The following RAB23 variants were observed in gnomAD, a reference collection of about 807,000 sequenced individuals.
RAB23 encodes the protein ras-related protein Rab-23.
In RAB23, 15 loss-of-function variants were observed where a neutral mutation model predicts 30.0. That is an observed-to-expected ratio of 0.50 (90% CI 0.33 to 0.77). The LOEUF is 0.77. RAB23 is among the 30% of genes least tolerant of loss of function. The pLI, the probability that RAB23 is intolerant of heterozygous loss-of-function variation, is 0.02. For missense variants in RAB23, 243 were observed against 275.4 expected (o/e 0.88, Z 0.83); for synonymous variants, 93 against 94.0 (o/e 0.99, Z 0.06).
At chr6:57,206,880 C>T (rs992567129) in intron 3 of RAB23, among the ~76,000 whole-genome samples, 1 of 152,140 alleles carries the variant, frequency 6.6e-6, no homozygotes. Context: ...ACAGCATCTG[C>T]GAAATGCAGA....
chr6:57,191,536 G>A (rs540306287), intron 6 of RAB23, among the ~76,000 whole-genome samples: 2 of 151,496 alleles, frequency 1.3e-5, no homozygotes, highest in South Asian at 2.1e-4. Context: ...CGCAACTTCC[G>A]CCTCTTGGAG....
At chr6:57,210,050 A>C (rs895764534) in intron 2 of RAB23, among the ~76,000 whole-genome samples, 176 bp downstream of exon 2, 2 of 147,410 alleles carry the variant, frequency 1.4e-5, no homozygotes, top group Non-Finnish European at 1.5e-5. Flanking sequence ...AAGAGATGAA[A>C]GAAAAAAAAA....
intron 6 of RAB23, among the ~76,000 whole-genome samples, chr6:57,192,541 T>A (rs901091587): frequency 6.6e-6 from 1 of 152,178 alleles, no homozygotes; most frequent in Non-Finnish European, 1.5e-5. Flanking sequence ...AAAAACTACA[T>A]GAAGAAGGTA....
At position 57,188,337 on chromosome 6, in the gene RAB23, CAA is replaced by C. The variant is rs1764690319; in HGVS notation, c.*2122_*2123del. 6.6e-6 allele frequency: 1 copy of C among 152,004 alleles called. No individual in the cohort carries two copies. The highest frequency in any genetic ancestry group is 6.5e-5 in the Admixed American group (1 of 15,274). The allele number at this position is 152,004 out of a possible 1,614,324, so 9.4% of individuals were successfully genotyped here. ...GCAAATTAAAAATTCAAATATGTAACAAAGCTCTCTCTTCAGTTCTTATTTAA... is the reference window on the plus strand; with the variant it reads ...GCAAATTAAAAATTCAAATATGTAACAGCTCTCTCTTCAGTTCTTATTTAA... On this transcript the variant is annotated 3_prime_UTR_variant, in exon 7 of 7. Coordinates refer to ENST00000468148, the MANE Select transcript of RAB23 (RefSeq NM_016277.5).
rs1764738877 is a variant in RAB23, at chr6:57,189,276, A to C, written c.*1185T>G. On this transcript the variant is annotated 3_prime_UTR_variant, in exon 7 of 7. Coordinates refer to ENST00000468148, the MANE Select transcript of RAB23 (RefSeq NM_016277.5). ...ACAAGGTTATAGAAATGTTGAAGTG[A>C]TTGATAATCTTAAAATACCATACAA... The C allele has an allele frequency of 6.6e-6, 1 of 152,224 alleles. No homozygotes were observed. Among genetic ancestry groups the C allele is most frequent in the Non-Finnish European group, 1.5e-5 (1 of 68,038 alleles). The allele number at this position is 152,224 out of a possible 1,614,324, so 9.4% of individuals were successfully genotyped here.
chr6:57,210,078 G>A, intron 2 of RAB23, 148 bp downstream of exon 2: 1 of 779,636 alleles, frequency 1.3e-6, no homozygotes, highest in Non-Finnish European at 2.1e-6. Flanking sequence ...AGTTACATAT[G>A]TCATGAAAAC....
At chr6:57,191,568 G>A (rs1245918675) in intron 6 of RAB23, among the ~76,000 whole-genome samples, 1 of 151,546 alleles carries the variant, frequency 6.6e-6, no homozygotes, top group Non-Finnish European at 1.5e-5. Flanking sequence ...TCCTGCCTCA[G>A]CCTCCCGAGT....
intron 3 of RAB23, among the ~76,000 whole-genome samples, chr6:57,200,887 G>A (rs956311796): frequency 6.6e-6 from 1 of 152,148 alleles, no homozygotes; most frequent in African/African-American, 2.4e-5. Flanking sequence ...TTTCATAGGG[G>A]CAGAGATGAA....
chr6:57,192,661 G>A (rs1324549654), intron 6 of RAB23, among the ~76,000 whole-genome samples: 1 of 152,186 alleles, frequency 6.6e-6, no homozygotes, highest in Admixed American at 6.5e-5. Flanking sequence ...GCCGAGACAG[G>A]AGGATCACTT....
chr6:57,220,125 C>T (rs1489250349), intron 1 of RAB23, among the ~76,000 whole-genome samples: 2 of 152,202 alleles, frequency 1.3e-5, no homozygotes, highest in Non-Finnish European at 2.9e-5. Context: ...ACCTCACCAA[C>T]GACTCCATGT....
intron 1 of RAB23, among the ~76,000 whole-genome samples, chr6:57,212,368 T>C (rs1397882978): frequency 6.6e-6 from 1 of 152,040 alleles, no homozygotes; most frequent in African/African-American, 2.4e-5. Context: ...CTTTATCCTT[T>C]CACAAGTATA....
chr6:57,188,827 A>G lies in RAB23; in HGVS notation c.*1634T>C, dbSNP rs1482992909. On this transcript the variant is annotated 3_prime_UTR_variant, in exon 7 of 7. Transcript: ENST00000468148. ...TATTTTTCCATCTAAAATGGCAAAG[A>G]GAACATTTACTTTTGATCACTTAAC... 1 of 152,186 alleles carries G rather than the reference A, an allele frequency of 6.6e-6. No individual in the cohort carries two copies. The highest frequency in any genetic ancestry group is 1.5e-5 in the Non-Finnish European group (1 of 68,002). The allele number at this position is 152,186 out of a possible 1,614,324, so 9.4% of individuals were successfully genotyped here.
rs771933785 is a variant in RAB23 at position 57,188,743 on chromosome 6, A to AGAT, written c.*1715_*1717dup. The stretch of plus-strand genomic sequence containing the variant: ...TAAGCATTTTACATTACTGTGAAAT[A>AGAT]GATAATGCCAGATCATTTCAATATA... On this transcript the variant is annotated 3_prime_UTR_variant, in exon 7 of 7. Transcript: ENST00000468148. 5 of 152,378 alleles carry AGAT rather than the reference A, an allele frequency of 3.3e-5. No individual in the cohort carries two copies. In the South Asian group the frequency reaches 6.2e-4, roughly 19 times the overall value. 9.4% of individuals were successfully genotyped at this position (152,378 alleles called of 1,614,324 possible).
intron 1 of RAB23, among the ~76,000 whole-genome samples, chr6:57,216,063 T>C (rs1257438085): frequency 6.6e-6 from 1 of 152,266 alleles, no homozygotes; most frequent in Non-Finnish European, 1.5e-5. Flanking sequence ...TACTATGCCT[T>C]TTCTGTGTTT....
chr6:57,209,212 G>C (rs780676918), intron 2 of RAB23, among the ~76,000 whole-genome samples: 3 of 152,216 alleles, frequency 2.0e-5, no homozygotes, highest in Admixed American at 6.5e-5. Flanking sequence ...GGAAGTGCAT[G>C]ATGGGCAACT....
At chr6:57,206,462 T>G (rs1307604476) in intron 3 of RAB23, among the ~76,000 whole-genome samples, 1 of 152,020 alleles carries the variant, frequency 6.6e-6, no homozygotes, top group African/African-American at 2.4e-5. Flanking sequence ...ACAGGCTGAA[T>G]TTTCAAAAAG....
chr6:57,202,839 T>C (rs944796038), intron 3 of RAB23, among the ~76,000 whole-genome samples: 5 of 152,192 alleles, frequency 3.3e-5, no homozygotes, highest in Non-Finnish European at 5.9e-5. Flanking sequence ...CAATTTTATG[T>C]ATAATTGCTG....
At chr6:57,205,149 TAC>T (rs1442207786) in intron 3 of RAB23, among the ~76,000 whole-genome samples, 18 of 151,266 alleles carry the variant, frequency 1.2e-4, no homozygotes, top group African/African-American at 1.7e-4. Flanking sequence ...ATACTTTATA[TAC>T]ACACATATAT....
chr6:57,194,037 A>G, intron 5 of RAB23, 103 bp from the exon 6 acceptor site: 1 of 1,484,478 alleles, frequency 6.7e-7, no homozygotes, highest in South Asian at 1.3e-5. Flanking sequence ...ACAAATTTAA[A>G]GTTACAATTA....
Sources: allele counts gnomAD v4.1 joint callset (sites outside exome capture counted in the v4.1 genomes callset), GRCh38; gene constraint gnomAD v4.1.1; transcripts MANE v1.5; gene names NCBI Gene and HGNC (gene_info 2026-07-23, HGNC 2026-07-21).